Variants in CTNND2 observed in about 807,000 individuals in gnomAD.
The protein encoded by CTNND2 is catenin delta 2, also known as catenin delta-2.
Under a neutral mutation model 144.4 loss-of-function variants are expected in CTNND2, and 22 were observed. The observed-to-expected ratio is 0.15, with a 90% confidence interval of 0.11 to 0.22. The LOEUF is 0.22. Among genes scored for constraint, CTNND2 ranks in the 10% least tolerant of loss-of-function variants. CTNND2 has a pLI of 1.00. For missense variants in CTNND2, 1,353 were observed against 1,618.8 expected (o/e 0.84, Z 2.82); for synonymous variants, 751 against 695.6 (o/e 1.08, Z -1.25).
intron 15 of CTNND2, among the ~76,000 whole-genome samples, chr5:11,094,244 C>G (rs1320120400): frequency 6.6e-6 from 1 of 152,150 alleles, no homozygotes; most frequent in Admixed American, 6.6e-5. Flanking sequence ...AAATCTTTTG[C>G]AAATGCTTTC....
chr5:11,161,823 T>G (rs570207913), intron 11 of CTNND2, among the ~76,000 whole-genome samples: 2 of 152,184 alleles, frequency 1.3e-5, no homozygotes, highest in African/African-American at 4.8e-5. Context: ...AAAATATGGG[T>G]GACATATTTT....
chr5:11,009,729 T>C (rs1241682589), intron 18 of CTNND2, among the ~76,000 whole-genome samples: 1 of 152,252 alleles, frequency 6.6e-6, no homozygotes, highest in Non-Finnish European at 1.5e-5. Context: ...GGTACTGCTA[T>C]ATGGGATTTC....
chr5:11,306,990 T>C (rs1312984237), intron 9 of CTNND2, among the ~76,000 whole-genome samples: 4 of 152,166 alleles, frequency 2.6e-5, no homozygotes, highest in Non-Finnish European at 5.9e-5. Context: ...CTGGGGTTGT[T>C]ACCAACATCC....
intron 17 of CTNND2, 46 bp from the exon 18 acceptor site, chr5:11,018,104 G>T: frequency 7.8e-7 from 1 of 1,274,052 alleles, no homozygotes; most frequent in Non-Finnish European, 1.1e-6. Flanking sequence ...TGGGACAGCT[G>T]TGTCACATTT....
At chr5:11,080,804 G>A (rs183022756) in intron 16 of CTNND2, among the ~76,000 whole-genome samples, 38 of 152,258 alleles carry the variant, frequency 2.5e-4, no homozygotes, top group Non-Finnish European at 4.4e-4. Flanking sequence ...GCTGGGTGCC[G>A]ATGGCTCATG....
At chr5:11,435,752 C>T (rs1451553455) in intron 3 of CTNND2, among the ~76,000 whole-genome samples, 1 of 152,164 alleles carries the variant, frequency 6.6e-6, no homozygotes, top group East Asian at 1.9e-4. Context: ...TATAATTCAA[C>T]TAGGATGTCA....
chr5:10,980,532 G>A (rs1737093117), intron 21 of CTNND2, among the ~76,000 whole-genome samples: 1 of 152,060 alleles, frequency 6.6e-6, no homozygotes, highest in Admixed American at 6.6e-5. Flanking sequence ...TTGACCCAGT[G>A]ATCCCATTAC....
At chr5:11,548,869 C>T (rs1482273156) in intron 3 of CTNND2, among the ~76,000 whole-genome samples, 2 of 152,058 alleles carry the variant, frequency 1.3e-5, no homozygotes, top group African/African-American at 4.8e-5. Context: ...GTTCTGACTC[C>T]AAGATCTGCA....
At chr5:11,114,810 C>G (rs1753379759) in intron 13 of CTNND2, among the ~76,000 whole-genome samples, 1 of 152,162 alleles carries the variant, frequency 6.6e-6, no homozygotes, top group South Asian at 2.1e-4. Context: ...TGTACTCATT[C>G]AAACCCCTCA....
intron 3 of CTNND2, among the ~76,000 whole-genome samples, chr5:11,478,701 C>T (rs947339958): frequency 6.6e-6 from 1 of 152,172 alleles, no homozygotes; most frequent in Non-Finnish European, 1.5e-5. Context: ...TTATTTCAGT[C>T]TTGTGAAATT....
intron 2 of CTNND2, among the ~76,000 whole-genome samples, chr5:11,721,186 A>G (rs1786656781): frequency 6.6e-6 from 1 of 152,238 alleles, no homozygotes; most frequent in Admixed American, 6.5e-5. Flanking sequence ...AACTTGAAAC[A>G]TTATGATAAG....
intron 1 of CTNND2, among the ~76,000 whole-genome samples, chr5:11,746,222 G>A (rs976250434): frequency 6.6e-6 from 1 of 152,096 alleles, no homozygotes; most frequent in Non-Finnish European, 1.5e-5. Context: ...CTCTTCCTGC[G>A]TGTGCCAATT....
chr5:11,749,877 C>G (rs1392809937), intron 1 of CTNND2, among the ~76,000 whole-genome samples: 1 of 151,870 alleles, frequency 6.6e-6, no homozygotes, highest in Admixed American at 6.6e-5. Context: ...AAAATAGACC[C>G]TTGTATATTT....
intron 1 of CTNND2, among the ~76,000 whole-genome samples, chr5:11,793,017 T>C (rs1462889729): frequency 6.6e-6 from 1 of 152,238 alleles, no homozygotes. Context: ...TTAGAAATGC[T>C]TTAGATGGCT....
At chr5:11,110,505 C>T (rs1042992836) in intron 14 of CTNND2, among the ~76,000 whole-genome samples, 2 of 152,198 alleles carry the variant, frequency 1.3e-5, no homozygotes, top group African/African-American at 4.8e-5. Flanking sequence ...TCCTGTTCCA[C>T]CCATCCCTGT....
intron 10 of CTNND2, among the ~76,000 whole-genome samples, chr5:11,202,506 T>C (rs1737562924): frequency 6.6e-6 from 1 of 152,252 alleles, no homozygotes; most frequent in East Asian, 1.9e-4. Context: ...CTTGTTTTCT[T>C]GGGGTTTAAT....
chr5:10,989,990 A>G (rs1439471927), intron 19 of CTNND2, among the ~76,000 whole-genome samples: 1 of 152,200 alleles, frequency 6.6e-6, no homozygotes, highest in African/African-American at 2.4e-5. Context: ...TAAAAAAAAT[A>G]CTGAGGCTTG....
intron 2 of CTNND2, among the ~76,000 whole-genome samples, chr5:11,643,507 T>C (rs892928739): frequency 1.3e-5 from 2 of 151,450 alleles, no homozygotes; most frequent in African/African-American, 4.9e-5. Flanking sequence ...GTCCTTGCGA[T>C]AGTTTGCTGA....
chr5:11,867,989 T>A (rs1795852584), intron 1 of CTNND2, among the ~76,000 whole-genome samples: 1 of 151,818 alleles, frequency 6.6e-6, no homozygotes, highest in South Asian at 2.1e-4. Context: ...ACCTCAGTGC[T>A]CTTTTGTCAA....
Sources: allele counts gnomAD v4.1 joint callset (sites outside exome capture counted in the v4.1 genomes callset), GRCh38; gene constraint gnomAD v4.1.1; transcripts MANE v1.5; gene names NCBI Gene and HGNC (gene_info 2026-07-23, HGNC 2026-07-21).